The following KCNB2 variants were observed in gnomAD, a reference collection of about 807,000 sequenced individuals.
KCNB2 encodes the protein delayed rectifier potassium channel protein.
A neutral mutation model predicts 61.5 loss-of-function variants in KCNB2; 15 were observed. The observed-to-expected ratio is 0.24, with a 90% CI of 0.16 to 0.38. The LOEUF is 0.38. Among genes scored for constraint, KCNB2 ranks in the 10% least tolerant of loss-of-function variants. KCNB2 has a pLI of 1.00. For missense variants in KCNB2, 828 were observed against 1,125.2 expected, an observed-to-expected ratio of 0.74 and a Z score of 3.78; for synonymous variants, 457 against 446.0, an observed-to-expected ratio of 1.02 and a Z score of -0.31.
At chr8:72,930,676 C>A (rs370401643) in intron 2 of KCNB2, among the ~76,000 whole-genome samples, 5,637 of 152,184 alleles carry the variant, frequency 0.037, 148 homozygotes, top group Non-Finnish European at 0.052. Flanking sequence ...TGTTTGAGTT[C>A]ATTGTAGATT....
chr8:72,748,398 A>G (rs771646485), intron 2 of KCNB2, among the ~76,000 whole-genome samples: 11 of 152,110 alleles, frequency 7.2e-5, no homozygotes, highest in African/African-American at 9.7e-5. Flanking sequence ...TTGCAAACCA[A>G]ATCCATTAGA....
intron 2 of KCNB2, among the ~76,000 whole-genome samples, chr8:72,655,977 G>A (rs1806285071): frequency 6.6e-6 from 1 of 152,156 alleles, no homozygotes; most frequent in Non-Finnish European, 1.5e-5. Flanking sequence ...GTGGTCCTAA[G>A]AAAGGTCAAG....
intron 2 of KCNB2, among the ~76,000 whole-genome samples, chr8:72,691,487 G>T (rs1467765945): frequency 6.6e-6 from 1 of 152,062 alleles, no homozygotes; most frequent in Non-Finnish European, 1.5e-5. Flanking sequence ...GTAACTGGTA[G>T]TTTTTTTTCA....
chr8:72,538,657 T>C (rs1393397933), intron 1 of KCNB2, among the ~76,000 whole-genome samples: 1 of 152,238 alleles, frequency 6.6e-6, no homozygotes, highest in Non-Finnish European at 1.5e-5. Flanking sequence ...AAATTTAGTA[T>C]GCACATACAC....
chr8:72,907,659 G>A (rs1806202687), intron 2 of KCNB2, among the ~76,000 whole-genome samples: 1 of 152,164 alleles, frequency 6.6e-6, no homozygotes, highest in Non-Finnish European at 1.5e-5. Flanking sequence ...GAAAATCAAA[G>A]CTGTGTTTAA....
At chr8:72,600,402 A>T (rs183579121) in intron 2 of KCNB2, among the ~76,000 whole-genome samples, 1 of 152,098 alleles carries the variant, frequency 6.6e-6, no homozygotes, top group South Asian at 2.1e-4. Flanking sequence ...ATGAGAACAC[A>T]TGGACACAGG....
At chr8:72,927,599 T>G (rs187772869) in intron 2 of KCNB2, among the ~76,000 whole-genome samples, 56 of 152,292 alleles carry the variant, frequency 3.7e-4, no homozygotes, top group Non-Finnish European at 1.0e-4. Flanking sequence ...TCTGCCTGCA[T>G]TCAACCACAC....
At chr8:72,858,138 A>C (rs1810236119) in intron 2 of KCNB2, among the ~76,000 whole-genome samples, 1 of 152,190 alleles carries the variant, frequency 6.6e-6, no homozygotes, top group Non-Finnish European at 1.5e-5. Context: ...TTCTACATGC[A>C]TAGGTAGTCA....
chr8:72,655,560 A>G (rs189630750), intron 2 of KCNB2, among the ~76,000 whole-genome samples: 1 of 152,312 alleles, frequency 6.6e-6, no homozygotes, highest in Non-Finnish European at 1.5e-5. Context: ...AGAGACATAC[A>G]GATATCTACT....
chr8:72,818,948 G>A (rs1164364154), intron 2 of KCNB2, among the ~76,000 whole-genome samples: 1 of 152,102 alleles, frequency 6.6e-6, no homozygotes, highest in East Asian at 1.9e-4. Flanking sequence ...CTGCTTACCA[G>A]TTGTGTAAAA....
chr8:72,757,986 A>T (rs1273427093), intron 2 of KCNB2, among the ~76,000 whole-genome samples: 2 of 152,248 alleles, frequency 1.3e-5, no homozygotes, highest in Non-Finnish European at 2.9e-5. Flanking sequence ...GGGGAATCAA[A>T]GGCATAATAA....
rs139008352 is a variant in KCNB2 at position 72,861,855 on chromosome 8, T to C, written c.580-74080T>C. Among the ~76,000 whole-genome samples the C allele has an allele frequency of 3.9e-5, 6 of 152,294 alleles. No individual in the cohort carries two copies. The East Asian group carries it at 1.2e-3, about 29-fold the overall frequency. ...AAATAGGGATAGTTTACGTCTCCTG[T>C]GGCCAAAGACTTTCTTTATCAGAGT... On this transcript the variant is annotated intron_variant, in intron 2 of 2. Coordinates refer to ENST00000523207, the MANE Select transcript of KCNB2 (RefSeq NM_004770.3).
chr8:72,663,179 G>T (rs114015268), intron 2 of KCNB2, among the ~76,000 whole-genome samples: 36 of 152,280 alleles, frequency 2.4e-4, no homozygotes, highest in African/African-American at 7.9e-4. Flanking sequence ...AAGGCTTTTA[G>T]AGGTTCTATA....
chr8:72,832,864 TC>T (rs1418571356), intron 2 of KCNB2, among the ~76,000 whole-genome samples: 1 of 152,142 alleles, frequency 6.6e-6, no homozygotes, highest in Non-Finnish European at 1.5e-5. Flanking sequence ...AGATCCCAAA[TC>T]TTTTATAAGT....
chr8:72,824,010 C>A (rs1448782510), intron 2 of KCNB2, among the ~76,000 whole-genome samples: 1 of 152,196 alleles, frequency 6.6e-6, no homozygotes, highest in Non-Finnish European at 1.5e-5. Flanking sequence ...TTTTAAATTT[C>A]TCCCACCCCT....
intron 2 of KCNB2, among the ~76,000 whole-genome samples, chr8:72,773,032 C>G (rs72670015): frequency 0.028 from 4,283 of 152,250 alleles, 109 homozygotes; most frequent in Non-Finnish European, 0.048. Context: ...TCACCCTGCC[C>G]AGTAGGGGGA....
chr8:72,929,036 G>A (rs1008476144), intron 2 of KCNB2, among the ~76,000 whole-genome samples: 2 of 152,070 alleles, frequency 1.3e-5, no homozygotes, highest in Non-Finnish European at 2.9e-5. Flanking sequence ...CACTTGGCAG[G>A]ATGCTTTCAT....
At chr8:72,582,225 A>G (rs1402023771) in intron 2 of KCNB2, among the ~76,000 whole-genome samples, 3 of 152,238 alleles carry the variant, frequency 2.0e-5, no homozygotes, top group African/African-American at 7.2e-5. Flanking sequence ...TGCCCAGGGC[A>G]GATGGAATCT....
At chr8:72,749,800 A>C (rs1031560538) in intron 2 of KCNB2, among the ~76,000 whole-genome samples, 34 of 145,940 alleles carry the variant, frequency 2.3e-4, no homozygotes, top group African/African-American at 5.5e-4. Context: ...TAATATATAT[A>C]ATATATAATA....
Sources: gnomAD v4.1 joint callset for allele counts (sites outside exome capture counted in the v4.1 genomes callset) on GRCh38, gnomAD v4.1.1 for gene constraint, MANE v1.5 for transcripts, NCBI Gene and HGNC (gene_info 2026-07-23, HGNC 2026-07-21) for gene names.